The following GRB2 variants were observed in gnomAD, a reference collection of about 807,000 sequenced individuals.
The protein encoded by GRB2 is growth factor receptor-bound protein 2.
In GRB2, 2 loss-of-function variants were observed where a neutral mutation model predicts 27.4. The ratio of observed to expected loss-of-function variants is 0.07; its 90% CI spans 0.03 to 0.23. The LOEUF (loss-of-function observed/expected upper bound fraction) is 0.23. GRB2 is among the 10% of genes least tolerant of loss of function. GRB2 has a pLI of 1.00. For synonymous variants in GRB2, 94 were observed against 99.6 expected (o/e 0.94, Z 0.33); for missense variants, 102 against 282.4 (o/e 0.36, Z 4.58).
chr17:75,374,561 G>C (rs1049762414), intron 2 of GRB2, among the ~76,000 whole-genome samples: 10 of 151,508 alleles, frequency 6.6e-5, no homozygotes, highest in African/African-American at 2.4e-4. Context: ...AAATCCTATT[G>C]ACACACACAC....
chr17:75,396,958 A>G (rs113702202), intron 1 of GRB2, among the ~76,000 whole-genome samples: 15 of 152,204 alleles, frequency 9.9e-5, no homozygotes, highest in African/African-American at 3.4e-4. Flanking sequence ...GACAGCTGCA[A>G]TGTTACTACT....
At chr17:75,398,945 G>A (rs751167602) in intron 1 of GRB2, among the ~76,000 whole-genome samples, 1 of 151,594 alleles carries the variant, frequency 6.6e-6, no homozygotes, top group Non-Finnish European at 1.5e-5. Context: ...ACAGGATTTC[G>A]CCATGTTGCC....
Position 75,320,600 on chromosome 17 carries a change from G to A in GRB2, c.469-47C>T, listed in dbSNP as rs751762856. ...AACCCACATTGCATTCCTGGTCTGT[G>A]ACTGGCCACCTCCGAGGCCAGATGG... On this transcript the variant is annotated intron_variant, in intron 5 of 5. Transcript: ENST00000316804. This position sits in a 1 kb window ranked among gnomAD's most constrained non-coding sequence, Gnocchi z 4.3. The A allele has an allele frequency of 2.7e-6, 4 of 1,476,746 alleles. No individual in the cohort carries two copies. In the Admixed American group the frequency reaches 6.8e-5, roughly 25 times the overall value. The allele number at this position is 1,476,746 out of a possible 1,614,324, so 91.5% of individuals were successfully genotyped here. A position where few individuals can be genotyped will look rare whatever the true frequency, so the allele number is the denominator to read the frequency against.
rs542615705 is a variant in GRB2, at chr17:75,346,535, T to C, written c.79-13738A>G. Among the ~76,000 whole-genome samples the C allele has an allele frequency of 4.1e-5, 6 of 146,626 alleles. 1 individual carries two copies. In the South Asian group the frequency reaches 1.3e-3, roughly 32 times the overall value. Reference sequence around the variant, plus strand: ...AGGTATCAATCTTATGCTGGTATCCTCCATCTGTCTCTCCAGATCCAGTTA... The same window carrying C: ...AGGTATCAATCTTATGCTGGTATCCCCCATCTGTCTCTCCAGATCCAGTTA... On this transcript the variant is annotated intron_variant, in intron 2 of 5. Transcript: ENST00000316804.
At chr17:75,363,440 C>T (rs1186029319) in intron 2 of GRB2, among the ~76,000 whole-genome samples, 2 of 152,136 alleles carry the variant, frequency 1.3e-5, no homozygotes, top group Non-Finnish European at 1.5e-5. Flanking sequence ...GTGATAGATA[C>T]ACTGTCTATT....
At position 75,395,880 on chromosome 17, in the gene GRB2, T is replaced by C. The variant is rs140328234; in HGVS notation, c.-137-2115A>G. 3.2e-3 allele frequency among the ~76,000 whole-genome samples: 491 copies of C among 152,204 alleles called. 4 individuals are homozygous for C. The highest frequency in any genetic ancestry group is 0.014 in the Middle Eastern group (4 of 294). On this transcript the variant is annotated intron_variant, in intron 1 of 5. Transcript: ENST00000316804. ...TTTTTTGAGATAGAGTTCTCTAAGA[T>C]TGCCCAGGCTAGAGTGCAGTGGCAT...
chr17:75,355,513 G>A (rs2078725977), intron 2 of GRB2, among the ~76,000 whole-genome samples: 1 of 149,520 alleles, frequency 6.7e-6, no homozygotes, highest in Non-Finnish European at 1.5e-5. Context: ...AATCGGGGAT[G>A]TCCAATCTTT....
chr17:75,361,551 A>G (rs965181584), intron 2 of GRB2, among the ~76,000 whole-genome samples: 2 of 152,176 alleles, frequency 1.3e-5, no homozygotes, highest in Non-Finnish European at 2.9e-5. Flanking sequence ...TAGACTTATC[A>G]TATTACAAAG....
intron 3 of GRB2, 91 bp downstream of exon 3, chr17:75,332,609 G>A (rs867885544): frequency 2.7e-6 from 2 of 729,172 alleles, no homozygotes; most frequent in African/African-American, 3.6e-5. Context: ...TAAAAAGTAT[G>A]ACATCCATCC....
At chr17:75,351,330 C>T (rs2078690918) in intron 2 of GRB2, among the ~76,000 whole-genome samples, 1 of 152,102 alleles carries the variant, frequency 6.6e-6, no homozygotes, top group Non-Finnish European at 1.5e-5. Context: ...ATATCATAGG[C>T]TTCTCAAAGT....
intron 3 of GRB2, among the ~76,000 whole-genome samples, chr17:75,330,761 G>A (rs954299681): frequency 6.6e-6 from 1 of 151,840 alleles, no homozygotes. Flanking sequence ...GAGAGCTAAG[G>A]GGGTGAGGGG....
chr17:75,344,159 C>A (rs998803626), intron 2 of GRB2, among the ~76,000 whole-genome samples: 4 of 152,212 alleles, frequency 2.6e-5, no homozygotes, highest in African/African-American at 9.6e-5. Flanking sequence ...ATCAGGAAAA[C>A]ATCCTAGATG....
chr17:75,323,630 G>C (rs2078475494), intron 4 of GRB2, among the ~76,000 whole-genome samples: 1 of 152,132 alleles, frequency 6.6e-6, no homozygotes, highest in Admixed American at 6.6e-5. Flanking sequence ...GAAAATGGAA[G>C]TTTGAGAGTT....
intron 1 of GRB2, among the ~76,000 whole-genome samples, chr17:75,397,594 A>T (rs1049049630): frequency 6.6e-6 from 1 of 152,176 alleles, no homozygotes; most frequent in Admixed American, 6.5e-5. Context: ...AATACATGAC[A>T]ACAGTCCAGT....
At chr17:75,360,795 A>G (rs949729305) in intron 2 of GRB2, among the ~76,000 whole-genome samples, 14 of 151,922 alleles carry the variant, frequency 9.2e-5, no homozygotes, top group African/African-American at 3.4e-4. Context: ...ACTTTTTTCA[A>G]TTTTTTCTGA....
At chr17:75,339,239 G>C in intron 2 of GRB2, 1 of 667,672 alleles carries the variant, frequency 1.5e-6, no homozygotes, top group Non-Finnish European at 2.5e-6. Flanking sequence ...TGTTGCCCAG[G>C]CTGGAGTGCA....
At position 75,319,964 on chromosome 17, in the gene GRB2, C is replaced by T. The variant is rs2078446824; in HGVS notation, c.*404G>A. The T allele has an allele frequency of 6.1e-6, 1 of 164,640 alleles. No homozygotes were observed. The highest frequency in any genetic ancestry group is 1.3e-5 in the Non-Finnish European group (1 of 74,558). 10.2% of individuals were successfully genotyped at this position (164,640 alleles called of 1,614,324 possible). A position where few individuals can be genotyped will look rare whatever the true frequency, so the allele number is the denominator to read the frequency against. Reference sequence around the variant, plus strand: ...CAGGAACAGCTGTTCTTCTTTCAGTCATTCCAACTAAAACAGACATTTTGC... The same window carrying T: ...CAGGAACAGCTGTTCTTCTTTCAGTTATTCCAACTAAAACAGACATTTTGC... On this transcript the variant is annotated 3_prime_UTR_variant, in exon 6 of 6. Coordinates refer to ENST00000316804, the MANE Select transcript of GRB2 (RefSeq NM_002086.5).
chr17:75,368,805 C>G (rs1323364090), intron 2 of GRB2, among the ~76,000 whole-genome samples: 2 of 152,112 alleles, frequency 1.3e-5, no homozygotes, highest in African/African-American at 4.8e-5. Context: ...CTCGGTCTCC[C>G]AAAGTGCTGG....
At chr17:75,330,314 G>T (rs748522366) in intron 3 of GRB2, among the ~76,000 whole-genome samples, 12 of 152,006 alleles carry the variant, frequency 7.9e-5, no homozygotes, top group Non-Finnish European at 1.6e-4. Flanking sequence ...CCAGGGAGTT[G>T]GGGGTTGCAG....
Sources: gnomAD v4.1 joint callset for allele counts (sites outside exome capture counted in the v4.1 genomes callset) on GRCh38, gnomAD v4.1.1 for gene constraint, Gnocchi (gnomAD v3.1) non-coding constraint, MANE v1.5 for transcripts, NCBI Gene and HGNC (gene_info 2026-07-23, HGNC 2026-07-21) for gene names.